PDE4D: variants seen among roughly 807,000 people sequenced by gnomAD.
PDE4D encodes 3',5'-cyclic-AMP phosphodiesterase 4D.
In PDE4D, 24 loss-of-function variants were observed where a neutral mutation model predicts 87.4. The observed-to-expected ratio is 0.27, with a 90% CI of 0.20 to 0.39. The LOEUF is 0.39. Ranked by LOEUF, PDE4D falls within the 10% of genes least tolerant of loss-of-function variation. The pLI is 1.00. For synonymous variants in PDE4D, 384 were observed against 383.2 expected (o/e 1.00, Z -0.02); for missense variants, 714 against 1,041.0 (o/e 0.69, Z 4.32).
rs73758885 is a variant in PDE4D, at chr5:59,777,058, G to A, written c.455+116110C>T. Among the ~76,000 whole-genome samples, 1,235 of 152,180 alleles carry A rather than the reference G, an allele frequency of 8.1e-3. 10 individuals carry two copies. Among genetic ancestry groups the A allele is most frequent in the African/African-American group, 0.028 (1,183 of 41,522 alleles). ...TAATGTTTCCAGGAACCCTTAACTC[G>A]ACTTTCCACAAACATCTCCTTGAAC... is the stretch of plus-strand genomic sequence containing the variant. On this transcript the variant is annotated intron_variant, in intron 1 of 14. Coordinates refer to ENST00000340635, the MANE Select transcript of PDE4D (RefSeq NM_001104631.2).
chr5:59,359,405 G>A (rs559108834), intron 1 of PDE4D, among the ~76,000 whole-genome samples: 7 of 151,922 alleles, frequency 4.6e-5, no homozygotes, highest in Non-Finnish European at 5.9e-5. Flanking sequence ...ATTACTTACC[G>A]CCTCCTTTTC....
chr5:59,410,507 A>AAAGTGCT (rs1792470424), intron 1 of PDE4D, among the ~76,000 whole-genome samples: 1 of 152,164 alleles, frequency 6.6e-6, no homozygotes, highest in African/African-American at 2.4e-5. Flanking sequence ...TCAGCCTCCC[A>AAAGTGCT]AAGTGCTAGG....
At chr5:60,365,352 C>T (rs1201053085) in intron 1 of PDE4D, among the ~76,000 whole-genome samples, 1 of 152,150 alleles carries the variant, frequency 6.6e-6, no homozygotes, top group Non-Finnish European at 1.5e-5. Flanking sequence ...GATATGGACC[C>T]CCCTAAAGCT....
intron 1 of PDE4D, among the ~76,000 whole-genome samples, chr5:60,221,138 C>G (rs1396310965): frequency 6.6e-6 from 1 of 151,974 alleles, no homozygotes; most frequent in Admixed American, 6.6e-5. Context: ...ATTTGGAGGA[C>G]TGTTTATACT....
intron 2 of PDE4D, among the ~76,000 whole-genome samples, chr5:60,098,289 T>C (rs1461515529): frequency 6.6e-6 from 1 of 151,982 alleles, no homozygotes; most frequent in African/African-American, 2.4e-5. Flanking sequence ...ATAGCTAGAA[T>C]AGAATTATAA....
chr5:60,394,674 A>AT (rs1462862269), intron 1 of PDE4D, among the ~76,000 whole-genome samples: 1 of 152,138 alleles, frequency 6.6e-6, no homozygotes. Flanking sequence ...GACCTCCAAA[A>AT]TTTTCCTTAG....
intron 1 of PDE4D, among the ~76,000 whole-genome samples, chr5:59,827,372 C>T (rs2152693720): frequency 6.6e-6 from 1 of 152,182 alleles, no homozygotes; most frequent in East Asian, 1.9e-4. Context: ...GTTGCAGTAG[C>T]CTGCAAGTGT....
At chr5:59,363,748 T>C (rs1301551193) in intron 1 of PDE4D, among the ~76,000 whole-genome samples, 1 of 152,158 alleles carries the variant, frequency 6.6e-6, no homozygotes, top group Non-Finnish European at 1.5e-5. Flanking sequence ...CTAAATCTTG[T>C]CTCCATTGTG....
At position 59,994,525 on chromosome 5, in the gene PDE4D, A is replaced by G. The variant is rs553096534; in HGVS notation, c.43-5808T>C. On this transcript the variant is annotated intron_variant, in intron 2 of 16. Coordinates refer to the PDE4D transcript ENST00000502484. The stretch of plus-strand genomic sequence containing the variant: ...GTGTTACATTACATGCTCATTGATT[A>G]TAAGTTAAGGAAATGTGTATGGGTC... 5.3e-5 allele frequency among the ~76,000 whole-genome samples: 8 copies of G among 152,260 alleles called. No homozygotes were observed. The South Asian group carries it at 1.0e-3, about 20-fold the overall frequency.
chr5:59,545,839 G>A (rs903367757), intron 1 of PDE4D, among the ~76,000 whole-genome samples: 1 of 152,052 alleles, frequency 6.6e-6, no homozygotes, highest in Non-Finnish European at 1.5e-5. Flanking sequence ...AAAAAAAATT[G>A]TTGACGAAGT....
At chr5:59,957,217 ATT>A (rs1038495144) in intron 3 of PDE4D, among the ~76,000 whole-genome samples, 8 of 151,644 alleles carry the variant, frequency 5.3e-5, no homozygotes, top group Non-Finnish European at 1.0e-4. Context: ...AATTATTATT[ATT>A]TTTTTTGGTT....
At chr5:59,988,366 C>A in intron 3 of PDE4D, 5 of 516,680 alleles carry the variant, frequency 9.7e-6, no homozygotes, top group Middle Eastern at 2.8e-4. Context: ...TTTTTTTTGA[C>A]TCTAGAAACC....
rs1002538789 is a variant in PDE4D at position 59,720,710 on chromosome 5, G to A, written c.455+172458C>T. ...AGTGGTGTTCAAGACCATCATTAAA[G>A]ACAAGGAACACTGACCAGTGAAGGG... On this transcript the variant is annotated intron_variant, in intron 1 of 14. Transcript: ENST00000340635. Among the ~76,000 whole-genome samples the A allele has an allele frequency of 7.2e-5, 11 of 152,238 alleles. No homozygotes were observed. The East Asian group carries it at 1.7e-3, about 24-fold the overall frequency.
intron 5 of PDE4D, among the ~76,000 whole-genome samples, chr5:59,154,080 A>G (rs1013426342): frequency 6.6e-6 from 1 of 152,140 alleles, no homozygotes; most frequent in African/African-American, 2.4e-5. Flanking sequence ...ACATATCTGG[A>G]TAGGGGCTTT....
At chr5:59,542,174 T>C (rs1317846782) in intron 1 of PDE4D, among the ~76,000 whole-genome samples, 2 of 152,166 alleles carry the variant, frequency 1.3e-5, no homozygotes, top group African/African-American at 4.8e-5. Context: ...GTGCTATTTT[T>C]TTCTCTGCCA....
intron 1 of PDE4D, among the ~76,000 whole-genome samples, chr5:59,806,804 A>G (rs1482824391): frequency 2.0e-5 from 3 of 152,342 alleles, no homozygotes; most frequent in Non-Finnish European, 4.4e-5. Context: ...TAAGCATGTG[A>G]GGTTATACAT....
intron 2 of PDE4D, among the ~76,000 whole-genome samples, chr5:60,016,656 A>T (rs530530385): frequency 6.6e-6 from 1 of 152,314 alleles, no homozygotes; most frequent in East Asian, 1.9e-4. Context: ...TCTTCATCAG[A>T]TGTAGATTCC....
chr5:60,302,134 C>CT (rs1311011751), intron 1 of PDE4D, among the ~76,000 whole-genome samples: 1 of 152,054 alleles, frequency 6.6e-6, no homozygotes, highest in East Asian at 1.9e-4. Context: ...CTGAAGTTTT[C>CT]TTTTTTTGTT....
chr5:59,677,675 A>T (rs1258481469), intron 1 of PDE4D, among the ~76,000 whole-genome samples: 3 of 152,182 alleles, frequency 2.0e-5, no homozygotes, highest in Non-Finnish European at 2.9e-5. Context: ...TAACAGCAGG[A>T]TGTGTACTGA....
Sources: allele counts gnomAD v4.1 joint callset (sites outside exome capture counted in the v4.1 genomes callset), GRCh38; gene constraint gnomAD v4.1.1; transcripts MANE v1.5; gene names NCBI Gene and HGNC (gene_info 2026-07-23, HGNC 2026-07-21).